The following SVOP variants were observed in gnomAD, a reference collection of about 807,000 sequenced individuals.
The protein encoded by SVOP is synaptic vesicle 2-related protein.
In SVOP, 17 loss-of-function variants were observed where a neutral mutation model predicts 69.1. The ratio of observed to expected loss-of-function variants is 0.25; its 90% CI spans 0.17 to 0.37. The LOEUF (loss-of-function observed/expected upper bound fraction) is 0.37, where lower values mean the gene tolerates loss of function less well. SVOP is among the 10% of genes least tolerant of loss of function. The pLI is 1.00. For missense variants in SVOP, 435 were observed against 597.5 expected, an observed-to-expected ratio of 0.73 and a Z score of 2.84; for synonymous variants, 238 against 238.6, an observed-to-expected ratio of 1.00 and a Z score of 0.02.
At chr12:108,946,395 T>G (rs2039923256) in intron 6 of SVOP, among the ~76,000 whole-genome samples, 1 of 152,140 alleles carries the variant, frequency 6.6e-6, no homozygotes, top group Non-Finnish European at 1.5e-5. Context: ...CCACTGTGCC[T>G]AGCCCCGCAA....
At chr12:108,937,213 C>G in intron 10 of SVOP, 51 bp downstream of exon 10, 1 of 1,595,732 alleles carries the variant, frequency 6.3e-7, no homozygotes, top group Non-Finnish European at 8.6e-7. Context: ...AAACCCAAAA[C>G]AGGGCACAGG....
chr12:108,941,147 G>A (rs551451956), intron 7 of SVOP, among the ~76,000 whole-genome samples: 2 of 152,322 alleles, frequency 1.3e-5, no homozygotes, highest in South Asian at 4.1e-4. Context: ...CTGGAGCTGA[G>A]CAATGTGGCA....
intron 8 of SVOP, 67 bp from the exon 9 acceptor site, chr12:108,939,022 C>T: frequency 1.2e-6 from 2 of 1,608,464 alleles, no homozygotes; most frequent in South Asian, 2.2e-5. Flanking sequence ...TCGCTTCTAG[C>T]CACACAGTGT....
intron 1 of SVOP, among the ~76,000 whole-genome samples, chr12:108,993,881 T>C (rs898921849): frequency 6.6e-6 from 1 of 152,172 alleles, no homozygotes; most frequent in Non-Finnish European, 1.5e-5. Context: ...AACGTTTGCG[T>C]GCATTCTCAA....
At chr12:108,943,787 T>C (rs1317198880) in intron 7 of SVOP, among the ~76,000 whole-genome samples, 1 of 151,230 alleles carries the variant, frequency 6.6e-6, no homozygotes, top group Non-Finnish European at 1.5e-5. Context: ...CTTCTTCTCC[T>C]TCTTCTTCTT....
chr12:108,956,674 C>G (rs918544897), intron 6 of SVOP, among the ~76,000 whole-genome samples: 1 of 152,164 alleles, frequency 6.6e-6, no homozygotes, highest in African/African-American at 2.4e-5. Context: ...TCTCAGTCAC[C>G]ACCATCACCT....
At position 108,959,351 on chromosome 12, in the gene SVOP, CTTT is replaced by C. The variant is rs36192896; in HGVS notation, c.578+1569_578+1571del. Among the ~76,000 whole-genome samples the C allele has an allele frequency of 1.4e-3, 149 of 106,672 alleles. 1 individual carries two copies. The highest frequency in any genetic ancestry group is 4.0e-3 in the African/African-American group (120 of 30,274). 70.0% of individuals were successfully genotyped at this position (106,672 alleles called of 152,430 possible). A position where few individuals can be genotyped will look rare whatever the true frequency, so the allele number is the denominator to read the frequency against. ...ACCTGTCCAACCTCAGCTTTTAATT[CTTT>C]TTTTTTTTTTTTTTTTTGAGTCAGA... is the stretch of plus-strand genomic sequence containing the variant. On this transcript the variant is annotated intron_variant, in intron 6 of 15. Coordinates refer to ENST00000610966, the MANE Select transcript of SVOP (RefSeq NM_018711.5).
chr12:108,965,267 A>G (rs1262057670), intron 5 of SVOP, among the ~76,000 whole-genome samples: 2 of 152,196 alleles, frequency 1.3e-5, no homozygotes, highest in African/African-American at 2.4e-5. Context: ...CAAGGGCCCA[A>G]GTAGTTGAGC....
intron 10 of SVOP, 190 bp downstream of exon 10, chr12:108,937,074 T>C: frequency 1.7e-6 from 1 of 598,980 alleles, no homozygotes; most frequent in Non-Finnish European, 3.0e-6. Context: ...AAGAAAAAGA[T>C]GAAGGAAATG....
In SVOP at chr12:108,909,555, C is replaced by T. The variant is rs1285097091; in HGVS notation, c.*2980G>A. 4 of 151,650 alleles carry T rather than the reference C, an allele frequency of 2.6e-5. No homozygotes were observed. The highest frequency in any genetic ancestry group is 9.7e-5 in the African/African-American group (4 of 41,204). The allele number at this position is 151,650 out of a possible 1,614,324, so 9.4% of individuals were successfully genotyped here. A position where few individuals can be genotyped will look rare whatever the true frequency, so the allele number is the denominator to read the frequency against. On this transcript the variant is annotated 3_prime_UTR_variant, in exon 16 of 16. Coordinates refer to ENST00000610966, the MANE Select transcript of SVOP (RefSeq NM_018711.5). The stretch of plus-strand genomic sequence containing the variant: ...AGACTCTTGATCTTATCATTCAAGG[C>T]TTTCTGTTGCTCAATGTTATATTAA...
intron 5 of SVOP, among the ~76,000 whole-genome samples, chr12:108,968,744 T>TTTTGTG (rs2040060950): frequency 2.0e-5 from 3 of 149,772 alleles, no homozygotes; most frequent in East Asian, 2.0e-4. Flanking sequence ...TGTTTGTCTT[T>TTTTGTG]TGTGTGTGTG....
chr12:108,922,527 C>T (rs1380268928), intron 12 of SVOP, among the ~76,000 whole-genome samples, 163 bp downstream of exon 12: 1 of 152,212 alleles, frequency 6.6e-6, no homozygotes, highest in African/African-American at 2.4e-5. Flanking sequence ...ATCTCAGCCC[C>T]TTCACAGTTC....
Position 108,967,211 on chromosome 12 carries a change from A to G in SVOP, c.453+5194T>C, listed in dbSNP as rs552186442. 1.2e-4 allele frequency among the ~76,000 whole-genome samples: 19 copies of G among 152,290 alleles called. No homozygotes were observed. In the South Asian group the frequency reaches 3.9e-3, roughly 32 times the overall value. ...AGCTTCTTAGGTAAATATTGAAATG[A>G]GGGCTGAGGCCAGGCATGGTGGCTC... On this transcript the variant is annotated intron_variant, in intron 5 of 15. Coordinates refer to ENST00000610966, the MANE Select transcript of SVOP (RefSeq NM_018711.5).
chr12:108,940,646 C>T (rs957142600), intron 8 of SVOP, 138 bp downstream of exon 8: 5 of 1,317,674 alleles, frequency 3.8e-6, no homozygotes, highest in Non-Finnish European at 5.1e-6. Context: ...GCCATAGCTC[C>T]CTTGTCTCAT....
At chr12:108,921,130 C>G (rs900973339) in intron 12 of SVOP, among the ~76,000 whole-genome samples, 22 of 152,176 alleles carry the variant, frequency 1.4e-4, no homozygotes, top group African/African-American at 5.3e-4. Flanking sequence ...GAAATGGTGA[C>G]TGCTTCCAGT....
intron 13 of SVOP, among the ~76,000 whole-genome samples, chr12:108,918,826 A>T (rs559236079): frequency 1.1e-4 from 16 of 152,312 alleles, no homozygotes; most frequent in Non-Finnish European, 1.2e-4. Context: ...TGATATCAAA[A>T]GTCTAAATAT....
chr12:109,015,587 G>C (rs1171002143), intron 1 of SVOP, among the ~76,000 whole-genome samples: 7 of 152,098 alleles, frequency 4.6e-5, no homozygotes, highest in Non-Finnish European at 1.0e-4. Context: ...CAAGGCGGGA[G>C]GGTCACTTGG....
chr12:109,010,242 G>A (rs1396307553), intron 1 of SVOP, among the ~76,000 whole-genome samples: 1 of 152,056 alleles, frequency 6.6e-6, no homozygotes, highest in African/African-American at 2.4e-5. Context: ...CTGAGAATCA[G>A]TCTTGTAGAG....
At chr12:108,958,827 G>C (rs2040000410) in intron 6 of SVOP, among the ~76,000 whole-genome samples, 1 of 152,008 alleles carries the variant, frequency 6.6e-6, no homozygotes, top group Non-Finnish European at 1.5e-5. Context: ...GGGTAAAAAG[G>C]CCTAGCCCCC....
Sources: allele counts gnomAD v4.1 joint callset (sites outside exome capture counted in the v4.1 genomes callset), GRCh38; gene constraint gnomAD v4.1.1; transcripts MANE v1.5; gene names NCBI Gene and HGNC (gene_info 2026-07-23, HGNC 2026-07-21).